The following NPHP1 variants were observed in gnomAD, a reference collection of about 807,000 sequenced individuals.
NPHP1 encodes nephrocystin-1.
A neutral mutation model predicts 90.4 loss-of-function variants in NPHP1; 70 were observed. The observed-to-expected ratio is 0.77, with a 90% confidence interval of 0.64 to 0.95. The LOEUF (loss-of-function observed/expected upper bound fraction) is 0.95. NPHP1 is among the 40% of genes least tolerant of loss of function. The pLI, the probability that NPHP1 is intolerant of heterozygous loss-of-function variation, is 0.00. For synonymous variants in NPHP1, 256 were observed against 271.7 expected, an observed-to-expected ratio of 0.94 and a Z score of 0.57; for missense variants, 764 against 795.9, an observed-to-expected ratio of 0.96 and a Z score of 0.48.
At chr2:110,158,560 T>C (rs1359747452) in intron 11 of NPHP1, among the ~76,000 whole-genome samples, 2 of 152,106 alleles carry the variant, frequency 1.3e-5, no homozygotes, top group Admixed American at 6.5e-5. Flanking sequence ...TTTATCACTA[T>C]GTAGTGCCTG....
At position 110,184,741 on chromosome 2, in the gene NPHP1, C is replaced by T. The variant is rs951333081; in HGVS notation, c.144-5057G>A. On this transcript the variant is annotated intron_variant, in intron 2 of 19. Coordinates refer to ENST00000445609, the MANE Select transcript of NPHP1 (RefSeq NM_001128178.3). ...TCAAGGCCATAAAAGAAAGACCCTC[C>T]TACCTATCCATAAACCCCCAGAAGG... 19 of 718,450 alleles carry T rather than the reference C, an allele frequency of 2.6e-5. No individual in the cohort carries two copies. In the East Asian group the frequency reaches 4.8e-4, roughly 18 times the overall value. The allele number at this position is 718,450 out of a possible 1,614,324, so 44.5% of individuals were successfully genotyped here.
chr2:110,145,090 T>C (rs1486012695), intron 14 of NPHP1, among the ~76,000 whole-genome samples: 1 of 152,156 alleles, frequency 6.6e-6, no homozygotes, highest in African/African-American at 2.4e-5. Context: ...GCCCTATCTT[T>C]TCTATGCAAA....
intron 2 of NPHP1, among the ~76,000 whole-genome samples, chr2:110,188,479 GA>G (rs999838987): frequency 6.6e-6 from 1 of 152,090 alleles, no homozygotes; most frequent in African/African-American, 2.4e-5. Flanking sequence ...CCTTCTCAAG[GA>G]TAACTACAAA....
chr2:110,180,806 G>A (rs1411524581), intron 2 of NPHP1, among the ~76,000 whole-genome samples: 1 of 152,052 alleles, frequency 6.6e-6, no homozygotes, highest in Non-Finnish European at 1.5e-5. Context: ...TTTCTCCCAC[G>A]GATCTCTGCA....
chr2:110,145,946 G>A (rs558019735), intron 14 of NPHP1, among the ~76,000 whole-genome samples: 19 of 152,296 alleles, frequency 1.2e-4, no homozygotes, highest in South Asian at 6.2e-4. Context: ...CACATAAGGC[G>A]CATTATCTAA....
At chr2:110,180,672 T>C (rs2104620766) in intron 2 of NPHP1, among the ~76,000 whole-genome samples, 1 of 152,046 alleles carries the variant, frequency 6.6e-6, no homozygotes. Context: ...CCCATGAGAA[T>C]GTAGAAAAGC....
chr2:110,154,340 TA>T (rs1391834552), intron 11 of NPHP1, among the ~76,000 whole-genome samples: 1 of 152,138 alleles, frequency 6.6e-6, no homozygotes, highest in African/African-American at 2.4e-5. Flanking sequence ...CAGTCTCAGG[TA>T]TGTCTTTATC....
At chr2:110,176,014 TG>T (rs1683483456) in intron 4 of NPHP1, among the ~76,000 whole-genome samples, 1 of 149,580 alleles carries the variant, frequency 6.7e-6, no homozygotes, top group African/African-American at 2.4e-5. Context: ...TTTCACATAT[TG>T]TATTTTTTTA....
intron 1 of NPHP1, among the ~76,000 whole-genome samples, chr2:110,204,664 G>A (rs1338536097): frequency 6.6e-6 from 1 of 152,010 alleles, no homozygotes; most frequent in Non-Finnish European, 1.5e-5. Context: ...TTAGTTGATG[G>A]TCACGAATTT....
chr2:110,180,805 C>T (rs572517823), intron 2 of NPHP1, among the ~76,000 whole-genome samples: 27 of 152,246 alleles, frequency 1.8e-4, no homozygotes, highest in Admixed American at 5.9e-4. Flanking sequence ...GTTTCTCCCA[C>T]GGATCTCTGC....
chr2:110,196,836 G>A (rs1473447296), intron 2 of NPHP1, among the ~76,000 whole-genome samples: 1 of 152,134 alleles, frequency 6.6e-6, no homozygotes, highest in Non-Finnish European at 1.5e-5. Context: ...AAAAAATGAT[G>A]AGTTCATGTC....
rs1574137499 is a variant in NPHP1 at position 110,168,683 on chromosome 2, G to T, written c.523-130C>A. ...TTTTTAATCCAATATTTATCCTAAGGTTTATCAAAAGCTTCCCTATCACCC... is the reference window on the plus strand; with the variant it reads ...TTTTTAATCCAATATTTATCCTAAGTTTTATCAAAAGCTTCCCTATCACCC... On this transcript the variant is annotated intron_variant, in intron 5 of 19. Coordinates refer to ENST00000445609, the MANE Select transcript of NPHP1 (RefSeq NM_001128178.3). 12 of 675,016 alleles carry T rather than the reference G, an allele frequency of 1.8e-5. 1 individual carries two copies. The East Asian group carries it at 3.3e-4, about 18-fold the overall frequency. The allele number at this position is 675,016 out of a possible 1,614,324, so 41.8% of individuals were successfully genotyped here.
intron 16 of NPHP1, among the ~76,000 whole-genome samples, chr2:110,133,169 C>T (rs564864081): frequency 2.3e-4 from 35 of 151,868 alleles, no homozygotes; most frequent in East Asian, 1.4e-3. Context: ...AAGAGACTCA[C>T]GGTAGACTTA....
At chr2:110,148,172 T>A (rs1306500686) in intron 12 of NPHP1, 146 bp from the exon 13 acceptor site, 5 of 694,382 alleles carry the variant, frequency 7.2e-6, no homozygotes, top group Non-Finnish European at 1.3e-5. Flanking sequence ...GGTGTTTGGG[T>A]CATGAGGGCA....
intron 8 of NPHP1, 23 bp from the exon 9 acceptor site, chr2:110,163,158 G>A (rs866399513): frequency 6.5e-7 from 1 of 1,544,284 alleles, no homozygotes; most frequent in Non-Finnish European, 9.0e-7. Context: ...ACATCAAAAT[G>A]GATTTGTTTT....
At position 110,168,082 on chromosome 2, in the gene NPHP1, C is replaced by G. The variant is rs184049383; in HGVS notation, c.624+370G>C. ...GAAATAAGAAAATACAAGCTACAAA[C>G]ACACATGTATAGTATGTTCACATTT... is the stretch of plus-strand genomic sequence containing the variant. On this transcript the variant is annotated intron_variant, in intron 6 of 19. Coordinates refer to ENST00000445609, the MANE Select transcript of NPHP1 (RefSeq NM_001128178.3). Among the ~76,000 whole-genome samples the G allele has an allele frequency of 7.1e-4, 108 of 152,228 alleles. 1 individual carries two copies. The highest frequency in any genetic ancestry group is 1.4e-3 in the Non-Finnish European group (92 of 68,014).
intron 11 of NPHP1, among the ~76,000 whole-genome samples, chr2:110,150,644 G>A (rs1681396183): frequency 1.3e-5 from 2 of 151,818 alleles, no homozygotes; most frequent in Admixed American, 1.3e-4. Context: ...CCGCCTCCCA[G>A]GTACAAGTGA....
intron 10 of NPHP1, 120 bp from the exon 11 acceptor site, chr2:110,160,375 A>G: frequency 1.4e-6 from 1 of 714,698 alleles, no homozygotes. Context: ...AAATTTACAC[A>G]TATACAATAA....
At chr2:110,202,558 C>A in intron 1 of NPHP1, 2 of 355,792 alleles carry the variant, frequency 5.6e-6, no homozygotes, top group South Asian at 2.1e-5. Context: ...GGCTCCAGAG[C>A]CAATATTTCT....
Sources: allele counts gnomAD v4.1 joint callset (sites outside exome capture counted in the v4.1 genomes callset), GRCh38; gene constraint gnomAD v4.1.1; transcripts MANE v1.5; gene names NCBI Gene and HGNC (gene_info 2026-07-23, HGNC 2026-07-21).